The following SFMBT2 variants were observed in gnomAD, a reference collection of about 807,000 sequenced individuals.
SFMBT2 encodes scm-like with four MBT domains protein 2.
SFMBT2 carries 38 observed loss-of-function variants against 110.1 expected under a neutral mutation model. That is an observed-to-expected ratio of 0.35 (90% CI 0.27 to 0.45). SFMBT2 has a LOEUF of 0.45. SFMBT2 is among the 20% of genes least tolerant of loss of function. SFMBT2 has a pLI of 1.00. For synonymous variants in SFMBT2, 425 were observed against 425.4 expected, an observed-to-expected ratio of 1.00 and a Z score of 0.01; for missense variants, 1,011 against 1,094.9, an observed-to-expected ratio of 0.92 and a Z score of 1.08.
chr10:7,287,431 G>A, intron 4 of SFMBT2: 1 of 244,168 alleles, frequency 4.1e-6, no homozygotes, highest in Non-Finnish European at 6.6e-6. Context: ...CATTCTACAA[G>A]TGCTTAGAAC....
chr10:7,374,638 C>T (rs1845150568), intron 2 of SFMBT2, among the ~76,000 whole-genome samples: 1 of 152,158 alleles, frequency 6.6e-6, no homozygotes, highest in Admixed American at 6.5e-5. Context: ...CACTGTGTCT[C>T]CCCTGCAGGA....
chr10:7,388,049 G>C (rs1050230371), intron 1 of SFMBT2, among the ~76,000 whole-genome samples: 1 of 152,170 alleles, frequency 6.6e-6, no homozygotes, highest in Admixed American at 6.5e-5. Context: ...TCAAGGGAGA[G>C]GGTGGGAGAC....
At chr10:7,271,502 T>G (rs1376757941) in intron 7 of SFMBT2, among the ~76,000 whole-genome samples, 1 of 152,078 alleles carries the variant, frequency 6.6e-6, no homozygotes, top group African/African-American at 2.4e-5. Context: ...CACAAATGAT[T>G]AAGCATAACT....
intron 4 of SFMBT2, among the ~76,000 whole-genome samples, chr10:7,336,671 A>G (rs1304046772): frequency 6.6e-6 from 1 of 152,088 alleles, no homozygotes; most frequent in Non-Finnish European, 1.5e-5. Flanking sequence ...CAATCAATCA[A>G]TCAATCAATC....
chr10:7,305,823 G>A (rs918745665), intron 4 of SFMBT2, among the ~76,000 whole-genome samples: 2 of 152,366 alleles, frequency 1.3e-5, no homozygotes, highest in South Asian at 2.1e-4. Context: ...TGTGACTCCA[G>A]TGAAATCACT....
chr10:7,266,003 G>A (rs946179310), intron 7 of SFMBT2, among the ~76,000 whole-genome samples: 1 of 152,044 alleles, frequency 6.6e-6, no homozygotes, highest in Non-Finnish European at 1.5e-5. Context: ...TAATAGTCGG[G>A]GGAATCAGTG....
At chr10:7,193,213 G>A (rs977923568) in intron 15 of SFMBT2, among the ~76,000 whole-genome samples, 14 of 152,114 alleles carry the variant, frequency 9.2e-5, no homozygotes, top group Non-Finnish European at 2.1e-4. Context: ...GTCTGCTGCC[G>A]AGCAAACACA....
chr10:7,247,969 C>T (rs897560524), intron 8 of SFMBT2, among the ~76,000 whole-genome samples: 2 of 152,168 alleles, frequency 1.3e-5, no homozygotes, highest in African/African-American at 4.8e-5. Flanking sequence ...CCACCTTGGC[C>T]TCCCAAAGTG....
chr10:7,231,755 C>T (rs1406112904), intron 9 of SFMBT2, among the ~76,000 whole-genome samples: 1 of 152,236 alleles, frequency 6.6e-6, no homozygotes, highest in Non-Finnish European at 1.5e-5. Context: ...GCTTAGACTC[C>T]TCTGTCCCCT....
chr10:7,328,299 C>T (rs1480717694), intron 4 of SFMBT2, among the ~76,000 whole-genome samples: 1 of 152,246 alleles, frequency 6.6e-6, no homozygotes, highest in East Asian at 1.9e-4. Flanking sequence ...AGTCTTTTCT[C>T]CATTTGTAAT....
intron 7 of SFMBT2, among the ~76,000 whole-genome samples, chr10:7,266,502 G>A (rs1036248306): frequency 6.6e-6 from 1 of 152,204 alleles, no homozygotes; most frequent in African/African-American, 2.4e-5. Context: ...CCTTAGGCAG[G>A]AGTAAGCAGG....
chr10:7,346,591 G>GA lies in SFMBT2; in HGVS notation c.436+21057dup, dbSNP rs546570936. 4.9e-3 allele frequency among the ~76,000 whole-genome samples: 745 copies of GA among 151,300 alleles called. 9 individuals carry two copies. Among genetic ancestry groups the GA allele is most frequent in the African/African-American group, 0.017 (713 of 41,280 alleles). ...AATACATTTTGACTCCCAAATGAAG[G>GA]AAAAAAAATACCATTCTCTTTTACA... is the stretch of plus-strand genomic sequence containing the variant. On this transcript the variant is annotated intron_variant, in intron 4 of 20. Transcript: ENST00000397167.
At chr10:7,370,227 T>A (rs1202991101) in intron 3 of SFMBT2, 54 bp downstream of exon 3, 2 of 1,500,206 alleles carry the variant, frequency 1.3e-6, no homozygotes, top group Non-Finnish European at 1.9e-6. Context: ...TCCCTATAGA[T>A]TCCTTCCCTT....
chr10:7,174,809 G>A (rs954838246), intron 17 of SFMBT2, among the ~76,000 whole-genome samples: 1 of 152,188 alleles, frequency 6.6e-6, no homozygotes, highest in African/African-American at 2.4e-5. Flanking sequence ...AGCTCTTCCG[G>A]AACCAGGTGA....
At chr10:7,205,273 G>A (rs980559885) in intron 12 of SFMBT2, 2 of 313,910 alleles carry the variant, frequency 6.4e-6, no homozygotes, top group African/African-American at 2.3e-5. Flanking sequence ...CTTTTTTTAC[G>A]TATATACAGT....
rs149716186 is a variant in SFMBT2, at chr10:7,373,595, C to T, written c.101-3220G>A. ...GCTGGAGCTCTTATGAAGTACTTTCCCCCTCCTTCTCCCACCTGTATCATG... is the reference window on the plus strand; with the variant it reads ...GCTGGAGCTCTTATGAAGTACTTTCTCCCTCCTTCTCCCACCTGTATCATG... On this transcript the variant is annotated intron_variant, in intron 2 of 20. Coordinates refer to ENST00000397167, the MANE Select transcript of SFMBT2 (RefSeq NM_001387889.1). Among the ~76,000 whole-genome samples the T allele has an allele frequency of 1.4e-3, 207 of 152,220 alleles. 1 individual carries two copies. Among genetic ancestry groups the T allele is most frequent in the Admixed American group, 7.2e-3 (110 of 15,280 alleles).
At chr10:7,224,612 C>T (rs772141304) in intron 10 of SFMBT2, among the ~76,000 whole-genome samples, 6 of 152,176 alleles carry the variant, frequency 3.9e-5, no homozygotes, top group African/African-American at 7.2e-5. Flanking sequence ...CTTTTGCTCA[C>T]GTTCCACTAC....
At chr10:7,345,967 G>C (rs1223367095) in intron 4 of SFMBT2, among the ~76,000 whole-genome samples, 1 of 152,130 alleles carries the variant, frequency 6.6e-6, no homozygotes, top group Non-Finnish European at 1.5e-5. Flanking sequence ...GGAATAACGG[G>C]TCACTGCTAT....
chr10:7,406,736 C>T (rs538774202), intron 1 of SFMBT2, among the ~76,000 whole-genome samples: 67 of 152,332 alleles, frequency 4.4e-4, no homozygotes, highest in Non-Finnish European at 8.2e-4. Context: ...ATTACTGAAA[C>T]GCATCTCCAG....
Sources: gnomAD v4.1 joint callset for allele counts (sites outside exome capture counted in the v4.1 genomes callset) on GRCh38, gnomAD v4.1.1 for gene constraint, MANE v1.5 for transcripts, NCBI Gene and HGNC (gene_info 2026-07-23, HGNC 2026-07-21) for gene names.